MAGI2: variants seen among roughly 807,000 people sequenced by gnomAD.
MAGI2 encodes the protein membrane-associated guanylate kinase, WW and PDZ domain-containing protein 2.
A neutral mutation model predicts 133.3 loss-of-function variants in MAGI2; 35 were observed. The observed-to-expected ratio is 0.26, with a 90% CI of 0.20 to 0.35. MAGI2 has a LOEUF of 0.35. Ranked by LOEUF, MAGI2 falls within the 10% of genes least tolerant of loss-of-function variation. MAGI2 has a pLI of 1.00. For synonymous variants in MAGI2, 729 were observed against 710.6 expected, an observed-to-expected ratio of 1.03 and a Z score of -0.41; for missense variants, 1,636 against 1,863.4, an observed-to-expected ratio of 0.88 and a Z score of 2.25.
intron 7 of MAGI2, among the ~76,000 whole-genome samples, chr7:78,349,800 T>C (rs1791307007): frequency 6.6e-6 from 1 of 152,234 alleles, no homozygotes. Context: ...TGTAGCTGAA[T>C]AGAAACTTGT....
At chr7:78,312,880 T>C (rs1027070271) in intron 9 of MAGI2, among the ~76,000 whole-genome samples, 26 of 151,304 alleles carry the variant, frequency 1.7e-4, no homozygotes, top group African/African-American at 6.1e-4. Flanking sequence ...CACTCCTGGG[T>C]ATATACCCAA....
chr7:78,727,893 A>C (rs415085), intron 2 of MAGI2, among the ~76,000 whole-genome samples: 146,729 of 152,260 alleles, frequency 0.96, 70,739 homozygotes, highest in East Asian at 1. Context: ...AAGTCCCTGC[A>C]CACAAAGAGC....
intron 1 of MAGI2, among the ~76,000 whole-genome samples, chr7:79,082,187 A>T (rs1463631818): frequency 6.6e-6 from 1 of 152,010 alleles, no homozygotes; most frequent in Non-Finnish European, 1.5e-5. Context: ...TACCTTCTTG[A>T]TAATGTTCTT....
chr7:79,292,638 A>G lies in MAGI2; in HGVS notation c.301+160382T>C, dbSNP rs140623986. 4.2e-4 allele frequency among the ~76,000 whole-genome samples: 64 copies of G among 151,744 alleles called. No individual in the cohort carries two copies. In the East Asian group the frequency reaches 0.012, roughly 28 times the overall value. On this transcript the variant is annotated intron_variant, in intron 1 of 21. Transcript: ENST00000354212. ...ACAGAGTGAGACCCTGCCACCAAAA[A>G]AAAATAAAAGAAAAAAAAAGTTTTA...
chr7:78,731,373 T>C (rs1356881718), intron 2 of MAGI2, among the ~76,000 whole-genome samples: 1 of 152,148 alleles, frequency 6.6e-6, no homozygotes, highest in Non-Finnish European at 1.5e-5. Context: ...TTCTCCACTC[T>C]GGAATACAGC....
intron 1 of MAGI2, among the ~76,000 whole-genome samples, chr7:79,119,278 A>G (rs1012975062): frequency 4.6e-5 from 7 of 152,094 alleles, no homozygotes; most frequent in African/African-American, 1.7e-4. Context: ...GTTTATAATT[A>G]TTTTCCAGGA....
intron 2 of MAGI2, among the ~76,000 whole-genome samples, chr7:78,705,667 A>T (rs371078988): frequency 5.3e-5 from 8 of 152,126 alleles, no homozygotes; most frequent in African/African-American, 1.9e-4. Flanking sequence ...GTTTGGGTAC[A>T]TCGTTTTGTG....
chr7:78,573,404 A>ATATATATATATATATATATATATG (rs1563189772), intron 3 of MAGI2, among the ~76,000 whole-genome samples: 1 of 85,966 alleles, frequency 1.2e-5, no homozygotes, highest in African/African-American at 5.1e-5. Context: ...ATATATATAT[A>ATATATATATATATATATATATATG]GGCTGCCACT....
intron 20 of MAGI2, among the ~76,000 whole-genome samples, chr7:78,123,310 C>T (rs1203488976): frequency 6.6e-6 from 1 of 152,140 alleles, no homozygotes; most frequent in Non-Finnish European, 1.5e-5. Context: ...TCTCATACCT[C>T]TTGCATATAT....
At chr7:79,167,198 A>T (rs565233734) in intron 1 of MAGI2, among the ~76,000 whole-genome samples, 8 of 151,998 alleles carry the variant, frequency 5.3e-5, no homozygotes, top group African/African-American at 1.9e-4. Context: ...AACTAGTTTC[A>T]TGAGATTCAG....
chr7:78,915,053 G>GAGT (rs2151623223), intron 2 of MAGI2, among the ~76,000 whole-genome samples: 1 of 152,226 alleles, frequency 6.6e-6, no homozygotes, highest in South Asian at 2.1e-4. Context: ...ATAGCTGGAG[G>GAGT]AGTAGGTAGA....
chr7:78,070,172 CACATATAT>C (rs1265171527), intron 21 of MAGI2, among the ~76,000 whole-genome samples: 5 of 28,898 alleles, frequency 1.7e-4, no homozygotes, highest in East Asian at 3.1e-3. Flanking sequence ...TACACACACA[CACATATAT>C]ATATATATAT....
intron 1 of MAGI2, among the ~76,000 whole-genome samples, chr7:79,442,386 A>G (rs1848549580): frequency 6.6e-6 from 1 of 152,064 alleles, no homozygotes; most frequent in African/African-American, 2.4e-5. Context: ...CTGTATCCTC[A>G]CATGCCTAAG....
Position 78,019,495 on chromosome 7 carries a change from G to A in MAGI2, c.4188C>T (p.Gly1396=). 4 of 980,160 alleles carry A rather than the reference G, an allele frequency of 4.1e-6. No individual in the cohort carries two copies. Among genetic ancestry groups the A allele is most frequent in the Non-Finnish European group, 4.8e-6 (4 of 828,106 alleles). The allele number at this position is 980,160 out of a possible 1,614,324, so 60.7% of individuals were successfully genotyped here. The part of the protein sequence containing the change: ...APAFAGPGGG[G]SGALEAEGRA... ...TGCCCTCGGCCTCCAGCGCGCCGCTGCCGCCGCCGCCCGGGCCGGCAAACG... is the reference window on the plus strand; with the variant it reads ...TGCCCTCGGCCTCCAGCGCGCCGCTACCGCCGCCGCCCGGGCCGGCAAACG... Residue 1396 remains glycine (G), a synonymous_variant, in exon 22 of 22, where the codon GGC becomes GGT. Coordinates refer to ENST00000354212, the MANE Select transcript of MAGI2 (RefSeq NM_012301.4).
chr7:79,063,903 T>G (rs1814040510), intron 1 of MAGI2, among the ~76,000 whole-genome samples: 1 of 152,174 alleles, frequency 6.6e-6, no homozygotes, highest in African/African-American at 2.4e-5. Context: ...ATAGCCCTTG[T>G]CTAAAGGAAG....
intron 6 of MAGI2, among the ~76,000 whole-genome samples, chr7:78,469,848 G>A (rs1335850378): frequency 6.6e-6 from 1 of 152,060 alleles, no homozygotes; most frequent in Non-Finnish European, 1.5e-5. Context: ...TCGCAGGATG[G>A]GATAATAAAA....
At chr7:78,743,647 A>T (rs1822639401) in intron 2 of MAGI2, among the ~76,000 whole-genome samples, 1 of 152,176 alleles carries the variant, frequency 6.6e-6, no homozygotes, top group African/African-American at 2.4e-5. Flanking sequence ...TCACATACTA[A>T]GCATAAATCC....
At chr7:79,122,476 G>A (rs28577896) in intron 1 of MAGI2, among the ~76,000 whole-genome samples, 1 of 152,104 alleles carries the variant, frequency 6.6e-6, no homozygotes, top group African/African-American at 2.4e-5. Flanking sequence ...TATTAAAAAG[G>A]AAATGAGTCA....
chr7:78,636,508 C>T (rs1294037327), intron 2 of MAGI2, among the ~76,000 whole-genome samples: 2 of 152,114 alleles, frequency 1.3e-5, no homozygotes, highest in African/African-American at 4.8e-5. Flanking sequence ...AAAACATAGG[C>T]TGCATCAAGG....
Sources: allele counts gnomAD v4.1 joint callset (sites outside exome capture counted in the v4.1 genomes callset), GRCh38; gene constraint gnomAD v4.1.1; transcripts MANE v1.5; gene names NCBI Gene and HGNC (gene_info 2026-07-23, HGNC 2026-07-21).